ANXA4: variants seen among roughly 807,000 people sequenced by gnomAD.
ANXA4 encodes 35-beta calcimedin.
A neutral mutation model predicts 49.8 loss-of-function variants in ANXA4; 39 were observed. The observed-to-expected ratio is 0.78, with a 90% CI of 0.61 to 1.02. The LOEUF (loss-of-function observed/expected upper bound fraction) is 1.02, where lower values mean the gene tolerates loss of function less well. ANXA4 is among the 50% of genes least tolerant of loss of function. ANXA4 has a pLI of 0.00. For synonymous variants in ANXA4, 134 were observed against 152.5 expected (o/e 0.88, Z 0.89); for missense variants, 360 against 410.1 (o/e 0.88, Z 1.05).
At chr2:69,746,585 G>T (rs1670621625) in intron 1 of ANXA4, among the ~76,000 whole-genome samples, 2 of 152,122 alleles carry the variant, frequency 1.3e-5, no homozygotes, top group Non-Finnish European at 2.9e-5. Flanking sequence ...GTTTGAACTG[G>T]ACTGAGAGCT....
intron 3 of ANXA4, among the ~76,000 whole-genome samples, chr2:69,793,708 A>G (rs72906918): frequency 0.02 from 3,008 of 152,252 alleles, 119 homozygotes; most frequent in African/African-American, 0.069. Context: ...TTCACCTTTA[A>G]TTCCAGGGGC....
At chr2:69,675,213 C>T (rs1390293577) in intron 2 of ANXA4, among the ~76,000 whole-genome samples, 2 of 152,182 alleles carry the variant, frequency 1.3e-5, no homozygotes, top group African/African-American at 2.4e-5. Flanking sequence ...TGAGCCACCG[C>T]GCCCGGCCCA....
intron 2 of ANXA4, among the ~76,000 whole-genome samples, chr2:69,719,067 C>T (rs1410160388): frequency 1.3e-5 from 2 of 151,426 alleles, no homozygotes; most frequent in African/African-American, 4.9e-5. Context: ...ACCTCCACCT[C>T]CTAGGTTCAA....
intron 2 of ANXA4, among the ~76,000 whole-genome samples, chr2:69,667,348 A>AAAAG (rs759915211): frequency 3.3e-5 from 5 of 152,188 alleles, no homozygotes; most frequent in Non-Finnish European, 7.3e-5. Flanking sequence ...GCTATTGAAA[A>AAAAG]AAAGAAAGAG....
chr2:69,680,172 C>T (rs1422094751), intron 2 of ANXA4, among the ~76,000 whole-genome samples: 1 of 152,128 alleles, frequency 6.6e-6, no homozygotes, highest in African/African-American at 2.4e-5. Flanking sequence ...GTGTCCTCTT[C>T]AATTTCTTTC....
chr2:69,702,167 A>ACTC (rs1553432674), intron 2 of ANXA4, among the ~76,000 whole-genome samples: 2 of 151,016 alleles, frequency 1.3e-5, no homozygotes, highest in African/African-American at 4.9e-5. Context: ...GTGCGCCACC[A>ACTC]CCCATGGCTC....
chr2:69,768,109 T>A (rs1199007796), intron 1 of ANXA4, among the ~76,000 whole-genome samples: 1 of 152,152 alleles, frequency 6.6e-6, no homozygotes, highest in East Asian at 1.9e-4. Context: ...TATGAAAACA[T>A]AGCTCTTATC....
At chr2:69,730,643 C>G (rs937681445) in intron 3 of ANXA4, among the ~76,000 whole-genome samples, 30 of 152,202 alleles carry the variant, frequency 2.0e-4, no homozygotes, top group African/African-American at 6.8e-4. Context: ...CTCCACATGG[C>G]CCCTATGCGA....
At chr2:69,688,229 A>G (rs1232199199) in intron 2 of ANXA4, among the ~76,000 whole-genome samples, 2 of 152,238 alleles carry the variant, frequency 1.3e-5, no homozygotes, top group Admixed American at 6.5e-5. Flanking sequence ...GCATTATGGC[A>G]TATTTAACAA....
Position 69,822,384 on chromosome 2 carries a change from T to C in ANXA4, c.906+1563T>C, listed in dbSNP as rs147063817. ...AAAAGAAAAAGAAAAAATTTTAACA[T>C]AGAATGACCATATGAGCCAGCAATT... On this transcript the variant is annotated intron_variant, in intron 12 of 12. Transcript: ENST00000394295. 4.5e-3 allele frequency among the ~76,000 whole-genome samples: 687 copies of C among 151,942 alleles called. 7 individuals are homozygous for C. Among genetic ancestry groups the C allele is most frequent in the African/African-American group, 0.014 (592 of 41,432 alleles).
Position 69,781,547 on chromosome 2 carries a change from C to G in ANXA4, c.-19C>G. On this transcript the variant is annotated 5_prime_UTR_variant, in exon 2 of 13. Coordinates refer to ENST00000394295, the MANE Select transcript of ANXA4 (RefSeq NM_001153.5). ...GAACTTCTGCTTGGGTGGCTGAACT[C>G]TGATCTTGACCTAGAGTCATGGCCA... 1.2e-6 allele frequency: 2 copies of G among 1,613,962 alleles called. No individual in the cohort carries two copies. The highest frequency in any genetic ancestry group is 2.2e-5 in the South Asian group (2 of 91,022).
At chr2:69,691,163 A>G (rs1677951949) in intron 2 of ANXA4, among the ~76,000 whole-genome samples, 1 of 149,560 alleles carries the variant, frequency 6.7e-6, no homozygotes, top group South Asian at 2.1e-4. Context: ...TCTCTTTGTC[A>G]TCCAGGCTGG....
Position 69,810,793 on chromosome 2 carries a change from G to C in ANXA4, c.477+120G>C, listed in dbSNP as rs1673671694. Reference sequence around the variant, plus strand: ...GGATATTCCCCAGGTAGTGTTCTCAGACCCCTCTGTTCCTTTATCTTATTT... The same window carrying C: ...GGATATTCCCCAGGTAGTGTTCTCACACCCCTCTGTTCCTTTATCTTATTT... On this transcript the variant is annotated intron_variant, in intron 7 of 12. Coordinates refer to ENST00000394295, the MANE Select transcript of ANXA4 (RefSeq NM_001153.5). 9.1e-6 allele frequency: 7 copies of C among 766,270 alleles called. No individual in the cohort carries two copies. The Admixed American group carries it at 1.0e-4, about 11-fold the overall frequency. The allele number at this position is 766,270 out of a possible 1,614,324, so 47.5% of individuals were successfully genotyped here.
Position 69,820,754 on chromosome 2 carries a change from T to G in ANXA4, c.839T>G (p.Ile280Ser), listed in dbSNP as rs373959579. Residue 280 changes from isoleucine (I) to serine (S), a missense_variant, in exon 12 of 13, where the codon ATT becomes AGT. By Grantham distance (142) the Ile-to-Ser change is moderately radical (BLOSUM62 -2). Transcript: ENST00000394295. ...AGAGTGATGGTTTCTCGAGCAGAAA[T>G]TGACATGTTGGATATCCGGGCACAC... ...LIRVMVSRAE[I>S]DMLDIRAHFK... 1.2e-6 allele frequency: 2 copies of G among 1,613,950 alleles called. No homozygotes were observed. The highest frequency in any genetic ancestry group is 1.7e-6 in the Non-Finnish European group (2 of 1,180,024).
At chr2:69,823,380 G>GA (rs200789068) in intron 12 of ANXA4, among the ~76,000 whole-genome samples, 1 of 150,854 alleles carries the variant, frequency 6.6e-6, no homozygotes, top group Admixed American at 6.6e-5. Flanking sequence ...GTAAATAATA[G>GA]AAAAAAATGA....
intron 2 of ANXA4, among the ~76,000 whole-genome samples, chr2:69,656,912 T>G (rs577267824): frequency 6.6e-6 from 1 of 152,236 alleles, no homozygotes; most frequent in African/African-American, 2.4e-5. Context: ...CTACAGCCTT[T>G]CAGCTGGAAA....
intron 2 of ANXA4, among the ~76,000 whole-genome samples, chr2:69,654,824 C>T (rs1424672927): frequency 3.9e-5 from 6 of 152,162 alleles, no homozygotes; most frequent in Non-Finnish European, 5.9e-5. Flanking sequence ...GGTACCAAAA[C>T]AGATATATAG....
intron 1 of ANXA4, among the ~76,000 whole-genome samples, chr2:69,772,681 CGAG>C (rs1671776112): frequency 6.6e-6 from 1 of 152,110 alleles, no homozygotes; most frequent in Non-Finnish European, 1.5e-5. Context: ...AACAATGAAT[CGAG>C]GAGTACCATT....
intron 1 of ANXA4, among the ~76,000 whole-genome samples, chr2:69,751,115 CA>C (rs1408542648): frequency 2.6e-5 from 4 of 152,126 alleles, no homozygotes; most frequent in African/African-American, 9.7e-5. Context: ...AACTGAGGCA[CA>C]AAGGGGTTGA....
Sources: allele counts gnomAD v4.1 joint callset (sites outside exome capture counted in the v4.1 genomes callset), GRCh38; gene constraint gnomAD v4.1.1; transcripts MANE v1.5; gene names NCBI Gene and HGNC (gene_info 2026-07-23, HGNC 2026-07-21).